DLC1: variants seen among roughly 807,000 people sequenced by gnomAD.
DLC1 encodes the protein rho GTPase-activating protein 7.
DLC1 carries 54 observed loss-of-function variants against 140.3 expected under a neutral mutation model. That is an observed-to-expected ratio of 0.38 (90% CI 0.31 to 0.48). The LOEUF (loss-of-function observed/expected upper bound fraction) is 0.48. Ranked by LOEUF, DLC1 falls within the 20% of genes least tolerant of loss-of-function variation. The pLI, the probability that DLC1 is intolerant of heterozygous loss-of-function variation, is 0.96. For missense variants in DLC1, 2,536 were observed against 1,907.0 expected, an observed-to-expected ratio of 1.33 and a Z score of -6.14; for synonymous variants, 986 against 728.1, an observed-to-expected ratio of 1.35 and a Z score of -5.70.
intron 5 of DLC1, among the ~76,000 whole-genome samples, chr8:13,133,991 G>C (rs182607851): frequency 1.3e-5 from 2 of 152,316 alleles, no homozygotes; most frequent in Admixed American, 6.5e-5. Context: ...GTCACAGCCC[G>C]TGTTTCTCAA....
intron 5 of DLC1, among the ~76,000 whole-genome samples, chr8:13,282,584 G>T (rs538717089): frequency 2.6e-5 from 4 of 152,134 alleles, no homozygotes; most frequent in African/African-American, 9.6e-5. Context: ...ACTTCAGGGG[G>T]AAATAATTTC....
chr8:13,405,318 T>G (rs7829699), intron 2 of DLC1, among the ~76,000 whole-genome samples: 1 of 151,862 alleles, frequency 6.6e-6, no homozygotes, highest in Non-Finnish European at 1.5e-5. Context: ...TCTGTGGTCC[T>G]CAGTGACTAT....
chr8:13,157,898 C>T (rs1445505798), intron 5 of DLC1, among the ~76,000 whole-genome samples: 2 of 152,110 alleles, frequency 1.3e-5, no homozygotes, highest in African/African-American at 4.8e-5. Context: ...AAAAATAAAG[C>T]ACATTTTAAA....
Position 13,091,375 on chromosome 8 carries a change from G to C in DLC1, c.3798C>G (p.Asn1266Lys). 6.2e-7 allele frequency: 1 copy of C among 1,614,072 alleles called. No individual in the cohort carries two copies. The highest frequency in any genetic ancestry group is 8.5e-7 in the Non-Finnish European group (1 of 1,180,006). The change falls in exon 14 of 18, where the codon AAC (asparagine) becomes AAG (lysine). Residue 1266 changes from asparagine to lysine, a missense_variant. Asn to Lys is a moderately conservative substitution (Grantham distance 94, BLOSUM62 0). Coordinates refer to ENST00000276297, the MANE Select transcript of DLC1 (RefSeq NM_182643.3). The stretch of plus-strand genomic sequence containing the variant: ...GGGCCAGCCCTTGAGTGGCAGCTAG[G>C]TTTTCATTCAAATCTTTCTGATCTG... Reference protein sequence around the residue: ...GKPDQKDLNENLAATQGLAHM... With the variant: ...GKPDQKDLNEKLAATQGLAHM...
intron 5 of DLC1, among the ~76,000 whole-genome samples, chr8:13,225,078 C>A (rs981711195): frequency 6.6e-6 from 1 of 152,224 alleles, no homozygotes; most frequent in Admixed American, 6.5e-5. Context: ...AATTTCAACT[C>A]ATTAGAGGAT....
chr8:13,412,781 A>C (rs904064291), intron 2 of DLC1, among the ~76,000 whole-genome samples: 2 of 151,826 alleles, frequency 1.3e-5, no homozygotes, highest in Non-Finnish European at 2.9e-5. Context: ...AAATACAAAA[A>C]ATTAGCCGGG....
rs539023138 is a variant in DLC1, at chr8:13,367,048, G to C, written c.1314+26505C>G. 2.0e-5 allele frequency among the ~76,000 whole-genome samples: 3 copies of C among 152,092 alleles called. No individual in the cohort carries two copies. The East Asian group carries it at 5.8e-4, about 29-fold the overall frequency. On this transcript the variant is annotated intron_variant, in intron 4 of 17. Coordinates refer to ENST00000276297, the MANE Select transcript of DLC1 (RefSeq NM_182643.3). ...TCCCTTTCCTCTCCATGTCTCCCTG[G>C]AGGCTGTATTCTGTATTTTATAATG...
chr8:13,492,439 C>T (rs1312265549), intron 2 of DLC1, among the ~76,000 whole-genome samples: 2 of 146,642 alleles, frequency 1.4e-5, no homozygotes, highest in Admixed American at 7.0e-5. Context: ...TACAAATGAC[C>T]AGTGCTATTT....
chr8:13,422,399 T>C (rs1838356622), intron 2 of DLC1, among the ~76,000 whole-genome samples: 1 of 150,808 alleles, frequency 6.6e-6, no homozygotes, highest in Non-Finnish European at 1.5e-5. Flanking sequence ...AATTCAGAGA[T>C]TGCTTTTTTT....
intron 2 of DLC1, among the ~76,000 whole-genome samples, chr8:13,478,528 T>C (rs1023927910): frequency 3.9e-5 from 6 of 152,196 alleles, no homozygotes; most frequent in Non-Finnish European, 8.8e-5. Flanking sequence ...TGTTCAAAGA[T>C]GAACTCATAG....
intron 5 of DLC1, among the ~76,000 whole-genome samples, chr8:13,185,554 G>T (rs1438133745): frequency 6.6e-6 from 1 of 151,992 alleles, no homozygotes; most frequent in East Asian, 1.9e-4. Context: ...TGATCTGCTC[G>T]CCTTGGCCTC....
rs552841367 is a variant in DLC1 at position 13,466,666 on chromosome 8, A to G, written c.1023+32383T>C. Among the ~76,000 whole-genome samples the G allele has an allele frequency of 2.0e-5, 3 of 152,268 alleles. No individual in the cohort carries two copies. The South Asian group carries it at 6.2e-4, about 32-fold the overall frequency. ...CAGAGCAGGGCTAGAGTTTATTGCC[A>G]CTGTACTAAGAGAAACTACGACACA... On this transcript the variant is annotated intron_variant, in intron 2 of 17. Coordinates refer to ENST00000276297, the MANE Select transcript of DLC1 (RefSeq NM_182643.3).
intron 4 of DLC1, among the ~76,000 whole-genome samples, chr8:13,318,521 T>A (rs931981921): frequency 1.3e-5 from 2 of 152,218 alleles, no homozygotes; most frequent in Admixed American, 1.3e-4. Context: ...TTCTCTTCTA[T>A]CCAGCCTCTT....
At chr8:13,469,107 C>T (rs1441762624) in intron 2 of DLC1, among the ~76,000 whole-genome samples, 1 of 152,116 alleles carries the variant, frequency 6.6e-6, no homozygotes, top group Non-Finnish European at 1.5e-5. Flanking sequence ...GCGTGAGCCA[C>T]CGCGCCCAGC....
intron 5 of DLC1, among the ~76,000 whole-genome samples, chr8:13,301,737 T>C: frequency 6.6e-6 from 1 of 152,108 alleles, no homozygotes; most frequent in East Asian, 1.9e-4. Context: ...AGATGGGCGG[T>C]GGGCAAGCGA....
intron 5 of DLC1, among the ~76,000 whole-genome samples, chr8:13,120,621 A>G (rs1820982262): frequency 6.6e-6 from 1 of 152,000 alleles, no homozygotes; most frequent in African/African-American, 2.4e-5. Flanking sequence ...TGCCACTAGA[A>G]ACTAAAAATA....
At chr8:13,527,797 T>C (rs780469482) in intron 1 of DLC1, among the ~76,000 whole-genome samples, 2 of 152,156 alleles carry the variant, frequency 1.3e-5, no homozygotes, top group African/African-American at 2.4e-5. Flanking sequence ...ACAGCATCTA[T>C]TATACGTGAA....
chr8:13,252,800 G>T (rs1473284566), intron 5 of DLC1, among the ~76,000 whole-genome samples: 1 of 152,120 alleles, frequency 6.6e-6, no homozygotes, highest in Non-Finnish European at 1.5e-5. Context: ...GCCCTCTTAA[G>T]GTCTCTGACC....
intron 2 of DLC1, among the ~76,000 whole-genome samples, chr8:13,408,758 G>A (rs1011219526): frequency 6.6e-6 from 1 of 152,116 alleles, no homozygotes. Context: ...ATACTATCAT[G>A]CTTATGTGGT....
Sources: gnomAD v4.1 joint callset for allele counts (sites outside exome capture counted in the v4.1 genomes callset) on GRCh38, gnomAD v4.1.1 for gene constraint, MANE v1.5 for transcripts, NCBI Gene and HGNC (gene_info 2026-07-23, HGNC 2026-07-21) for gene names.